The following LRRC56 variants were observed in gnomAD, a reference collection of about 807,000 sequenced individuals.
LRRC56 encodes leucine-rich repeat-containing protein 56.
Under a neutral mutation model 47.8 loss-of-function variants are expected in LRRC56, and 41 were observed. The observed-to-expected ratio is 0.86, with a 90% CI of 0.67 to 1.11. The LOEUF (loss-of-function observed/expected upper bound fraction) is 1.11, where lower values mean the gene tolerates loss of function less well. Ranked by LOEUF, LRRC56 falls within the 50% of genes most tolerant of loss-of-function variation. The probability of loss-of-function intolerance (pLI) is 0.00; values close to 1 mark genes in which losing one functional copy is unlikely to be tolerated. For synonymous variants in LRRC56, 387 were observed against 311.2 expected (o/e 1.24, Z -2.56); for missense variants, 759 against 704.2 (o/e 1.08, Z -0.88).
chr11:534,057 G>A (rs1851297989), upstream of LRRC56: 16 of 1,295,352 alleles, frequency 1.2e-5, no homozygotes, highest in Non-Finnish European at 1.8e-5. Flanking sequence ...CTCTCCTGGG[G>A]TGCTGAGACG....
At position 551,774 on chromosome 11, in the gene LRRC56, G is replaced by T. The variant is rs752387112; in HGVS notation, c.920G>T (p.Gly307Val). The change falls in exon 10 of 14, where the codon GGC (glycine) becomes GTC (valine). Residue 307 changes from glycine to valine, a missense_variant. Transcript: ENST00000270115. Reference sequence around the variant, plus strand: ...GTCCGTGGGGGCCCCCTGCCTGAAGGCCTGCTTTCTGAGGACCTGGCCCCA... The same window carrying T: ...GTCCGTGGGGGCCCCCTGCCTGAAGTCCTGCTTTCTGAGGACCTGGCCCCA... ...LLVRGGPLPE[G>V]LLSEDLAPED... 6.2e-7 allele frequency: 1 copy of T among 1,610,492 alleles called. No individual in the cohort carries two copies. Among genetic ancestry groups the T allele is most frequent in the East Asian group, 2.2e-5 (1 of 44,848 alleles).
At chr11:546,197 C>T (rs569892839) in intron 6 of LRRC56, among the ~76,000 whole-genome samples, 2 of 151,794 alleles carry the variant, frequency 1.3e-5, no homozygotes, top group East Asian at 1.9e-4. Context: ...TGCAGTGAGC[C>T]GGGAGGCAGA....
At chr11:507,339 G>A in the LRRC56 span, 1 of 152,008 alleles carries the variant, frequency 6.6e-6, no homozygotes, top group East Asian at 1.9e-4. Context: ...TCGGGGTCGG[G>A]GCGGGGCCCG....
intron 6 of LRRC56, among the ~76,000 whole-genome samples, chr11:548,018 C>T (rs543900281): frequency 4.0e-4 from 61 of 151,724 alleles, no homozygotes; most frequent in Non-Finnish European, 8.1e-4. Flanking sequence ...CACAGCTACT[C>T]GGGAGGCTGA....
chr11:533,320 G>A, upstream of LRRC56: 1 of 1,603,274 alleles, frequency 6.2e-7, no homozygotes, highest in Non-Finnish European at 8.5e-7. Flanking sequence ...GGGGGTCCCA[G>A]AGGGTCCCGG....
At chr11:551,533 G>A (rs1220330888) in intron 9 of LRRC56, 118 bp from the exon 10 acceptor site, 6 of 1,117,768 alleles carry the variant, frequency 5.4e-6, no homozygotes, top group African/African-American at 1.6e-5. Flanking sequence ...AGGCTGCAGC[G>A]TGAGAGGCCA....
At chr11:518,324 G>A in the LRRC56 span, among the ~76,000 whole-genome samples, 1 of 151,938 alleles carries the variant, frequency 6.6e-6, no homozygotes, top group African/African-American at 2.4e-5. Flanking sequence ...TGGGACTACA[G>A]GTGCCCGCCA....
chr11:552,431 G>A (rs1430665288), intron 12 of LRRC56, 138 bp from the exon 13 acceptor site: 6 of 1,149,752 alleles, frequency 5.2e-6, no homozygotes, highest in Non-Finnish European at 7.4e-6. Context: ...ATCCCTGTGT[G>A]TCCTGTCCCG....
At position 551,760 on chromosome 11, in the gene LRRC56, C is replaced by A; in HGVS notation, c.906C>A (p.Gly302=). ...PWPFSLLVRG[G]PLPEGLLSED... ...CCTTCTCCCTGCTGGTCCGTGGGGG[C>A]CCCCTGCCTGAAGGCCTGCTTTCTG... Residue 302 remains glycine (G), a synonymous_variant, in exon 10 of 14, where the codon GGC becomes GGA. Coordinates refer to ENST00000270115, the MANE Select transcript of LRRC56 (RefSeq NM_198075.4). 1 of 1,609,170 alleles carries A rather than the reference C, an allele frequency of 6.2e-7. No homozygotes were observed. Among genetic ancestry groups the A allele is most frequent in the Admixed American group, 1.7e-5 (1 of 59,742 alleles).
the LRRC56 span, among the ~76,000 whole-genome samples, chr11:510,567 G>T: frequency 1.3e-5 from 2 of 151,590 alleles, no homozygotes; most frequent in Non-Finnish European, 2.9e-5. Context: ...GAGAAACCCC[G>T]TCTCTACTAA....
chr11:537,358 G>C (rs1280078037), upstream of LRRC56: 1 of 152,246 alleles, frequency 6.6e-6, no homozygotes, highest in Non-Finnish European at 1.5e-5. Flanking sequence ...GCCCACGCAC[G>C]TGCCAGTCCA....
the LRRC56 span, among the ~76,000 whole-genome samples, chr11:511,127 C>T: frequency 6.6e-6 from 1 of 151,910 alleles, no homozygotes; most frequent in African/African-American, 2.4e-5. Context: ...CGAGACCATC[C>T]TGGCTAACAC....
chr11:517,108 C>T, the LRRC56 span, among the ~76,000 whole-genome samples: 2 of 152,352 alleles, frequency 1.3e-5, no homozygotes, highest in Admixed American at 1.3e-4. Context: ...CCTCGGCCTC[C>T]CGGGGTGCTG....
chr11:535,798 G>A (rs8176330), upstream of LRRC56, among the ~76,000 whole-genome samples: 14,555 of 152,160 alleles, frequency 0.096, 958 homozygotes, highest in Admixed American at 0.19. Flanking sequence ...GGTTGCTCGA[G>A]GAAGGCCAGG....
chr11:539,384 C>CATT (rs1851675121), intron 2 of LRRC56, among the ~76,000 whole-genome samples, 196 bp from the exon 3 acceptor site: 1 of 92,454 alleles, frequency 1.1e-5, no homozygotes, highest in Non-Finnish European at 2.1e-5. Flanking sequence ...CGCACCCAGC[C>CATT]TTTTTTTTTT....
the LRRC56 span, among the ~76,000 whole-genome samples, chr11:508,770 G>A: frequency 6.6e-6 from 1 of 151,370 alleles, no homozygotes; most frequent in East Asian, 1.9e-4. Context: ...CTGGCTGGGC[G>A]CGGTGGCTCA....
Position 554,386 on chromosome 11 carries a change from C to A in LRRC56, c.*110C>A. 2.0e-6 allele frequency: 2 copies of A among 1,012,270 alleles called. No homozygotes were observed. The highest frequency in any genetic ancestry group is 1.7e-5 in the African/African-American group (1 of 59,968). 62.7% of individuals were successfully genotyped at this position (1,012,270 alleles called of 1,614,324 possible). ...GTGTGTTGGGGGGTGGAAGGAGTGCCTGGCCCTGGGGAGGACCCTCTTGGT... is the reference window on the plus strand; with the variant it reads ...GTGTGTTGGGGGGTGGAAGGAGTGCATGGCCCTGGGGAGGACCCTCTTGGT... On this transcript the variant is annotated 3_prime_UTR_variant, in exon 14 of 14. Transcript: ENST00000270115.
the LRRC56 span, among the ~76,000 whole-genome samples, chr11:511,334 AAAAG>A: frequency 1.3e-5 from 2 of 151,610 alleles, no homozygotes; most frequent in Non-Finnish European, 1.5e-5. Context: ...AAAAAAAAAA[AAAAG>A]AAATGGGAAA....
intron 7 of LRRC56, 27 bp downstream of exon 7, chr11:550,025 A>AG (rs1204982772): frequency 7.5e-6 from 12 of 1,599,242 alleles, no homozygotes; most frequent in East Asian, 6.8e-5. Flanking sequence ...TGGGCTGGGG[A>AG]GGCCTGGGCT....
Sources: gnomAD v4.1 joint callset for allele counts (sites outside exome capture counted in the v4.1 genomes callset) on GRCh38, gnomAD v4.1.1 for gene constraint, MANE v1.5 for transcripts, NCBI Gene and HGNC (gene_info 2026-07-23, HGNC 2026-07-21) for gene names.